The following DDX60 variants were observed in gnomAD, a reference collection of about 807,000 sequenced individuals.
DDX60 encodes the protein probable ATP-dependent RNA helicase DDX60.
DDX60 carries 165 observed loss-of-function variants against 212.8 expected under a neutral mutation model. The ratio of observed to expected loss-of-function variants is 0.78; its 90% CI spans 0.68 to 0.88. The LOEUF is 0.88. DDX60 is among the 40% of genes least tolerant of loss of function. DDX60 has a pLI of 0.00. For synonymous variants in DDX60, 703 were observed against 685.3 expected (o/e 1.03, Z -0.40); for missense variants, 1,905 against 2,003.9 (o/e 0.95, Z 0.94).
chr4:168,237,457 G>T, intron 31 of DDX60, 30 bp from the exon 32 acceptor site: 1 of 1,528,450 alleles, frequency 6.5e-7, no homozygotes, highest in South Asian at 1.4e-5. Flanking sequence ...TTATTAGTTT[G>T]ACTCAAGTCA....
chr4:168,241,152 C>A (rs973500461), intron 30 of DDX60, among the ~76,000 whole-genome samples: 1 of 152,174 alleles, frequency 6.6e-6, no homozygotes, highest in Admixed American at 6.5e-5. Flanking sequence ...TGCATTCTGC[C>A]ATGATTATGA....
At chr4:168,306,189 A>G (rs895169303) in intron 5 of DDX60, among the ~76,000 whole-genome samples, 190 bp downstream of exon 5, 1 of 152,232 alleles carries the variant, frequency 6.6e-6, no homozygotes, top group African/African-American at 2.4e-5. Context: ...ACCAAGCACA[A>G]TTTTATAACA....
chr4:168,220,308 T>C (rs1228496697), intron 37 of DDX60, among the ~76,000 whole-genome samples: 1 of 152,154 alleles, frequency 6.6e-6, no homozygotes, highest in Non-Finnish European at 1.5e-5. Flanking sequence ...AAATATCGTG[T>C]CCCATGTCTT....
chr4:168,320,982 T>C (rs185901789), upstream of DDX60, among the ~76,000 whole-genome samples: 337 of 152,324 alleles, frequency 2.2e-3, 1 homozygote, highest in African/African-American at 7.8e-3. Flanking sequence ...AAATGATTTT[T>C]TTTTGCTTAA....
At position 168,268,000 on chromosome 4, in the gene DDX60, A is replaced by G. The variant is rs72693142; in HGVS notation, c.2787-17T>C. The G allele has an allele frequency of 0.058, 92,536 of 1,598,104 alleles. 2,995 individuals are homozygous for G. The highest frequency in any genetic ancestry group is 0.067 in the Non-Finnish European group (78,995 of 1,170,980). On this transcript the variant is annotated splice_polypyrimidine_tract_variant and intron_variant, in intron 20 of 37. Transcript: ENST00000393743. ...TGTAGCCACCTTAAAAAATAAATGT[A>G]CATATTATTTAGGCAGAACATGGAA...
chr4:168,280,562 T>C lies in DDX60; in HGVS notation c.1751A>G (p.Glu584Gly). 2 of 1,612,556 alleles carry C rather than the reference T, an allele frequency of 1.2e-6. No individual in the cohort carries two copies. The highest frequency in any genetic ancestry group is 1.7e-6 in the Non-Finnish European group (2 of 1,179,596). ...HETKAEIIARENKKRLFAREE... is the reference protein window; with the variant it reads ...HETKAEIIARGNKKRLFAREE... ...CCTGGCAAATAACCTTTTCTTATTC[T>C]CTCTAGCAATTATTTCAGCCTTGGT... Residue 584 changes from glutamate to glycine, a missense_variant, in exon 14 of 38, where the codon GAG becomes GGG. Glu to Gly is a moderately conservative substitution (Grantham distance 98). Transcript: ENST00000393743.
intron 6 of DDX60, among the ~76,000 whole-genome samples, chr4:168,297,314 GAA>G (rs375614017): frequency 6.1e-5 from 2 of 33,018 alleles, no homozygotes; most frequent in Admixed American, 5.6e-4. Context: ...AAGAAAGAAA[GAA>G]AGAAAGAAAG....
At chr4:168,225,810 C>T in intron 33 of DDX60, 134 bp from the exon 34 acceptor site, 1 of 828,838 alleles carries the variant, frequency 1.2e-6, no homozygotes, top group Non-Finnish European at 1.7e-6. Context: ...AATAATGTCA[C>T]TGTTTCATTT....
chr4:168,272,787 A>T (rs918273017), intron 18 of DDX60, among the ~76,000 whole-genome samples: 1 of 152,186 alleles, frequency 6.6e-6, no homozygotes, highest in African/African-American at 2.4e-5. Flanking sequence ...CTCCATGTCT[A>T]CCATGCAATC....
chr4:168,230,401 T>G (rs1733407782), intron 33 of DDX60, among the ~76,000 whole-genome samples: 1 of 152,036 alleles, frequency 6.6e-6, no homozygotes, highest in Admixed American at 6.6e-5. Context: ...ACCCAACAAT[T>G]GAAGAATATA....
At chr4:168,294,898 C>T (rs1372966305) in intron 6 of DDX60, among the ~76,000 whole-genome samples, 1 of 152,128 alleles carries the variant, frequency 6.6e-6, no homozygotes, top group Non-Finnish European at 1.5e-5. Context: ...AATAGACAAA[C>T]GACCTGGACA....
chr4:168,261,872 C>A, intron 24 of DDX60, 128 bp downstream of exon 24: 1 of 1,105,974 alleles, frequency 9.0e-7, no homozygotes, highest in Non-Finnish European at 1.2e-6. Flanking sequence ...TACTAGACTT[C>A]AAGTTCAACT....
intron 35 of DDX60, among the ~76,000 whole-genome samples, 157 bp downstream of exon 35, chr4:168,224,086 T>C (rs1419642066): frequency 6.6e-6 from 1 of 151,986 alleles, no homozygotes; most frequent in Non-Finnish European, 1.5e-5. Context: ...TCATATTGAC[T>C]TCAAGAGCAC....
intron 37 of DDX60, among the ~76,000 whole-genome samples, chr4:168,219,507 C>G (rs1271205301): frequency 6.6e-6 from 1 of 152,036 alleles, no homozygotes; most frequent in Non-Finnish European, 1.5e-5. Context: ...CAAGGAATAC[C>G]CTATCTAGAG....
chr4:168,221,619 T>C, intron 36 of DDX60, 111 bp downstream of exon 36: 1 of 1,190,182 alleles, frequency 8.4e-7, no homozygotes, highest in Non-Finnish European at 1.1e-6. Context: ...TAGTATGATT[T>C]AACCTGCACT....
At chr4:168,217,546 T>C (rs1256035205) in intron 37 of DDX60, among the ~76,000 whole-genome samples, 1 of 152,096 alleles carries the variant, frequency 6.6e-6, no homozygotes, top group Non-Finnish European at 1.5e-5. Flanking sequence ...CAGAAACCGA[T>C]GAATAGGTCA....
chr4:168,284,315 C>T (rs544985513), intron 12 of DDX60, among the ~76,000 whole-genome samples: 39 of 152,164 alleles, frequency 2.6e-4, no homozygotes, highest in Admixed American at 1.0e-3. Flanking sequence ...TCAACTCTAA[C>T]GGGGCTGGGG....
In DDX60 at chr4:168,246,401, A is replaced by T. The variant is rs759459523; in HGVS notation, c.4164+17T>A. The T allele has an allele frequency of 6.2e-7, 1 of 1,613,438 alleles. No individual in the cohort carries two copies. Among genetic ancestry groups the T allele is most frequent in the East Asian group, 2.2e-5 (1 of 44,796 alleles). On this transcript the variant is annotated intron_variant, in intron 30 of 37. Transcript: ENST00000393743. ...CAGTGATGAAGACTGAACCTCAGGC[A>T]GTGTCCAGCACGGTACCTTTGCCTT...
rs1317073708 is a variant in DDX60 at position 168,280,480 on chromosome 4, T to C, written c.1833A>G (p.Gln611=). 15 of 1,614,072 alleles carry C rather than the reference T, an allele frequency of 9.3e-6. No homozygotes were observed. Among genetic ancestry groups the C allele is most frequent in the Admixed American group, 3.3e-5 (2 of 60,010 alleles). Residue 611 remains glutamine (Q), a synonymous_variant, in exon 14 of 38, where the codon CAA becomes CAG. Coordinates refer to ENST00000393743, the MANE Select transcript of DDX60 (RefSeq NM_017631.6). ...WNALSFSIEE[Q]LKENLHSGIK... is the part of the protein sequence containing the mutation. ...TTCCAGAGTGTAAATTTTCTTTCAATTGCTCTTCAATAGAAAATGACAAAG... is the reference window on the plus strand; with the variant it reads ...TTCCAGAGTGTAAATTTTCTTTCAACTGCTCTTCAATAGAAAATGACAAAG...
Sources: allele counts gnomAD v4.1 joint callset (sites outside exome capture counted in the v4.1 genomes callset), GRCh38; gene constraint gnomAD v4.1.1; transcripts MANE v1.5; gene names NCBI Gene and HGNC (gene_info 2026-07-23, HGNC 2026-07-21).